Variants in PCDHA12 observed in about 807,000 individuals in gnomAD.
PCDHA12 encodes protocadherin alpha-12.
A neutral mutation model predicts 60.0 loss-of-function variants in PCDHA12; 44 were observed. The ratio of observed to expected loss-of-function variants is 0.73; its 90% CI spans 0.58 to 0.94. PCDHA12 has a LOEUF of 0.94. Among genes scored for constraint, PCDHA12 ranks in the 40% least tolerant of loss-of-function variants. The pLI is 0.00. For missense variants in PCDHA12, 1,276 were observed against 1,239.7 expected (o/e 1.03, Z -0.44); for synonymous variants, 569 against 553.0 (o/e 1.03, Z -0.40).
chr5:140,924,902 A>AAT (rs2082141904), intron 1 of PCDHA12, among the ~76,000 whole-genome samples: 1 of 39,026 alleles, frequency 2.6e-5, no homozygotes, highest in African/African-American at 7.6e-5. Flanking sequence ...CTCAAAAAAA[A>AAT]AAATAAAATA....
At chr5:140,891,818 C>T (rs1331998195) in intron 1 of PCDHA12, among the ~76,000 whole-genome samples, 1 of 152,118 alleles carries the variant, frequency 6.6e-6, no homozygotes, top group Non-Finnish European at 1.5e-5. Context: ...AATAAATTAA[C>T]GGCACTGTAA....
chr5:140,946,974 G>A (rs1554217987), intron 1 of PCDHA12, among the ~76,000 whole-genome samples: 1 of 151,636 alleles, frequency 6.6e-6, no homozygotes, highest in African/African-American at 2.4e-5. Context: ...TTATAGAATA[G>A]AGGATTTTGA....
chr5:140,941,310 C>T (rs1375547519), intron 1 of PCDHA12, among the ~76,000 whole-genome samples: 10 of 79,218 alleles, frequency 1.3e-4, no homozygotes, highest in Non-Finnish European at 1.8e-4. Flanking sequence ...CTTTCTTTTT[C>T]TTCTTTCTCT....
intron 1 of PCDHA12, among the ~76,000 whole-genome samples, chr5:140,899,745 A>G: frequency 6.6e-6 from 1 of 152,214 alleles, no homozygotes; most frequent in Non-Finnish European, 1.5e-5. Flanking sequence ...GAATAGTTTC[A>G]GAAGGAATGG....
intron 1 of PCDHA12, among the ~76,000 whole-genome samples, chr5:140,909,844 C>T (rs572833280): frequency 7.9e-5 from 12 of 152,276 alleles, no homozygotes; most frequent in African/African-American, 2.4e-4. Context: ...ACCACCAGGA[C>T]GTTTTCGGTC....
intron 1 of PCDHA12, among the ~76,000 whole-genome samples, chr5:140,908,509 A>G (rs1458307706): frequency 1.3e-5 from 2 of 152,116 alleles, no homozygotes; most frequent in Non-Finnish European, 2.9e-5. Flanking sequence ...TGACTTGATG[A>G]CCCATAGTCA....
intron 3 of PCDHA12, among the ~76,000 whole-genome samples, chr5:141,007,324 A>G (rs35241677): frequency 0.053 from 8,037 of 150,420 alleles, 253 homozygotes; most frequent in South Asian, 0.11. Context: ...GCTAAAGTGG[A>G]CAGATTGCCT....
At chr5:140,901,128 A>G (rs1429296842) in intron 1 of PCDHA12, among the ~76,000 whole-genome samples, 3 of 152,114 alleles carry the variant, frequency 2.0e-5, no homozygotes, top group South Asian at 2.1e-4. Flanking sequence ...TTAGATGGGT[A>G]GATTGTAAAT....
At chr5:140,963,989 T>C (rs2095803669) in intron 1 of PCDHA12, among the ~76,000 whole-genome samples, 1 of 152,202 alleles carries the variant, frequency 6.6e-6, no homozygotes, top group Non-Finnish European at 1.5e-5. Flanking sequence ...ATATTCCTAA[T>C]TACTGTGTTC....
At chr5:140,982,191 T>C (rs1431582069) in intron 2 of PCDHA12, among the ~76,000 whole-genome samples, 2 of 152,266 alleles carry the variant, frequency 1.3e-5, no homozygotes, top group Non-Finnish European at 2.9e-5. Flanking sequence ...ATGGGCTTCC[T>C]GTTAGATTTA....
At chr5:140,929,268 A>G (rs1303371377) in intron 1 of PCDHA12, 1 of 1,611,476 alleles carries the variant, frequency 6.2e-7, no homozygotes, top group Non-Finnish European at 8.5e-7. Flanking sequence ...TGAATTTGCC[A>G]ATATCCTGTA....
intron 3 of PCDHA12, among the ~76,000 whole-genome samples, chr5:140,997,668 T>TTG (rs35184029): frequency 0.084 from 12,442 of 148,286 alleles, 534 homozygotes; most frequent in Admixed American, 0.1. Flanking sequence ...ATTATACAGC[T>TTG]TGTGTGTGTG....
At chr5:140,909,624 G>A (rs2074611325) in intron 1 of PCDHA12, among the ~76,000 whole-genome samples, 1 of 152,092 alleles carries the variant, frequency 6.6e-6, no homozygotes, top group African/African-American at 2.4e-5. Context: ...GCTCTAATTG[G>A]TCTTCCTATT....
chr5:140,944,743 T>A (rs1307968034), intron 1 of PCDHA12, among the ~76,000 whole-genome samples: 2 of 152,238 alleles, frequency 1.3e-5, no homozygotes, highest in East Asian at 3.8e-4. Flanking sequence ...TCTGAGCATT[T>A]ACATGGAAAA....
At chr5:140,910,311 A>G (rs928675389) in intron 1 of PCDHA12, among the ~76,000 whole-genome samples, 4 of 152,224 alleles carry the variant, frequency 2.6e-5, no homozygotes, top group African/African-American at 9.6e-5. Context: ...AGAGATCTAC[A>G]TGAGTCAGAC....
chr5:140,995,284 G>A (rs1439846116), intron 3 of PCDHA12, among the ~76,000 whole-genome samples: 2 of 152,112 alleles, frequency 1.3e-5, no homozygotes, highest in African/African-American at 4.8e-5. Flanking sequence ...TACCAAAACA[G>A]CCAGTCGGAT....
intron 1 of PCDHA12, among the ~76,000 whole-genome samples, chr5:140,914,901 G>A (rs2076874560): frequency 6.8e-6 from 1 of 147,044 alleles, no homozygotes; most frequent in African/African-American, 2.5e-5. Flanking sequence ...TTAACTTTGT[G>A]TTGTTTCTCT....
intron 1 of PCDHA12, among the ~76,000 whole-genome samples, chr5:140,963,839 G>A (rs566875036): frequency 1.3e-5 from 2 of 152,290 alleles, no homozygotes; most frequent in African/African-American, 2.4e-5. Flanking sequence ...ATTTTCTCAT[G>A]TAATCATAAT....
At chr5:140,929,503 G>A in intron 1 of PCDHA12, 1 of 886,378 alleles carries the variant, frequency 1.1e-6, no homozygotes, top group Non-Finnish European at 1.6e-6. Context: ...ATTGCCCTAG[G>A]CCTCAAGGGA....
Sources: gnomAD v4.1 joint callset for allele counts (sites outside exome capture counted in the v4.1 genomes callset) on GRCh38, gnomAD v4.1.1 for gene constraint, MANE v1.5 for transcripts, NCBI Gene and HGNC (gene_info 2026-07-23, HGNC 2026-07-21) for gene names.